LHX8: variants seen among roughly 807,000 people sequenced by gnomAD.
LHX8 encodes the protein LIM homeobox 8.
Under a neutral mutation model 40.3 loss-of-function variants are expected in LHX8, and 12 were observed. That is an observed-to-expected ratio of 0.30 (90% CI 0.19 to 0.48). The LOEUF (loss-of-function observed/expected upper bound fraction) is 0.48, where lower values mean the gene tolerates loss of function less well. LHX8 is among the 20% of genes least tolerant of loss of function. LHX8 has a pLI of 0.99. For missense variants in LHX8, 344 were observed against 433.7 expected, an observed-to-expected ratio of 0.79 and a Z score of 1.84; for synonymous variants, 179 against 162.0, an observed-to-expected ratio of 1.10 and a Z score of -0.80.
At chr1:75,178,181 C>T in the LHX8 span, among the ~76,000 whole-genome samples, 141 of 151,890 alleles carry the variant, frequency 9.3e-4, no homozygotes, top group African/African-American at 2.4e-3. Context: ...AGTATTATAC[C>T]GGCTTCATAA....
intron 6 of LHX8, 54 bp from the exon 7 acceptor site, chr1:75,148,533 A>G: frequency 8.3e-7 from 1 of 1,206,326 alleles, no homozygotes; most frequent in Non-Finnish European, 1.2e-6. Context: ...ATGCAGGAAG[A>G]AGACTGAGCT....
At chr1:75,195,919 C>A in the LHX8 span, among the ~76,000 whole-genome samples, 4 of 152,116 alleles carry the variant, frequency 2.6e-5, no homozygotes, top group South Asian at 8.3e-4. Flanking sequence ...TCTCTCACCT[C>A]ATTTACTTAT....
the LHX8 span, among the ~76,000 whole-genome samples, chr1:75,196,880 C>T: frequency 6.6e-6 from 1 of 152,098 alleles, no homozygotes; most frequent in Non-Finnish European, 1.5e-5. Context: ...GCAATCAAAG[C>T]ACATCAAGGG....
intron 6 of LHX8, among the ~76,000 whole-genome samples, chr1:75,145,619 C>T (rs1648440095): frequency 2.0e-5 from 3 of 152,204 alleles, no homozygotes; most frequent in Admixed American, 1.3e-4. Context: ...CAAAGCAAAC[C>T]ACCAAGGGAG....
chr1:75,167,657 C>G, the LHX8 span, among the ~76,000 whole-genome samples: 57 of 152,158 alleles, frequency 3.7e-4, no homozygotes, highest in African/African-American at 1.3e-3. Context: ...TTATAATTTT[C>G]CTTCCTCAGT....
intron 7 of LHX8, among the ~76,000 whole-genome samples, chr1:75,154,098 T>C (rs1000506609): frequency 1.3e-5 from 2 of 152,232 alleles, no homozygotes; most frequent in African/African-American, 4.8e-5. Flanking sequence ...CAGAAAATGT[T>C]AACTCTTGTT....
At chr1:75,174,722 G>A in the LHX8 span, among the ~76,000 whole-genome samples, 1 of 152,088 alleles carries the variant, frequency 6.6e-6, no homozygotes, top group Non-Finnish European at 1.5e-5. Flanking sequence ...TATTATACAA[G>A]GTAGAACATG....
the LHX8 span, among the ~76,000 whole-genome samples, chr1:75,185,241 C>A: frequency 6.6e-6 from 1 of 151,920 alleles, no homozygotes; most frequent in African/African-American, 2.4e-5. Context: ...GGGACTCCTC[C>A]TCATCTCATA....
upstream of LHX8, chr1:75,130,609 C>A (rs1647936013): frequency 9.7e-7 from 1 of 1,034,230 alleles, no homozygotes; most frequent in Admixed American, 1.7e-5. Context: ...ATAAAAGCAC[C>A]CCTCTCTTAC....
At chr1:75,192,922 G>A in the LHX8 span, among the ~76,000 whole-genome samples, 1 of 152,264 alleles carries the variant, frequency 6.6e-6, no homozygotes, top group South Asian at 2.1e-4. Flanking sequence ...TTGAACTCCT[G>A]ACCTCAGGTG....
intron 8 of LHX8, 42 bp from the exon 9 acceptor site, chr1:75,160,777 C>A: frequency 7.8e-7 from 1 of 1,283,998 alleles, no homozygotes; most frequent in Non-Finnish European, 1.1e-6. Context: ...CAGTTTTATG[C>A]ACCCTACAAA....
chr1:75,179,586 G>A, the LHX8 span, among the ~76,000 whole-genome samples: 1 of 142,030 alleles, frequency 7.0e-6, no homozygotes, highest in African/African-American at 2.6e-5. Context: ...GTGTGTCTCT[G>A]CACATGAGAT....
At chr1:75,163,856 G>A (rs1029876481), downstream of LHX8, among the ~76,000 whole-genome samples, 2 of 152,160 alleles carry the variant, frequency 1.3e-5, no homozygotes, top group South Asian at 2.1e-4. Context: ...CCTTGCAAAT[G>A]GGATTAGTGC....
upstream of LHX8, chr1:75,131,009 T>G: frequency 4.1e-6 from 2 of 492,936 alleles, no homozygotes; most frequent in African/African-American, 1.9e-5. Context: ...TGGCCCACTG[T>G]ACCCTTGGCG....
chr1:75,155,976 CCTAAGA>C (rs1282751523), intron 7 of LHX8, among the ~76,000 whole-genome samples: 1 of 150,766 alleles, frequency 6.6e-6, no homozygotes, highest in African/African-American at 2.4e-5. Context: ...CCAGCAGGTG[CCTAAGA>C]ATACATTTAG....
the LHX8 span, among the ~76,000 whole-genome samples, chr1:75,189,790 T>G: frequency 6.6e-6 from 1 of 152,210 alleles, no homozygotes; most frequent in African/African-American, 2.4e-5. Context: ...CATTGTGTTC[T>G]CCCTCATCAT....
At chr1:75,196,840 A>G in the LHX8 span, among the ~76,000 whole-genome samples, 51 of 152,152 alleles carry the variant, frequency 3.4e-4, no homozygotes, top group African/African-American at 1.2e-3. Context: ...GCACATGTAC[A>G]GGCACACGCT....
chr1:75,174,663 T>C, the LHX8 span, among the ~76,000 whole-genome samples: 2 of 152,140 alleles, frequency 1.3e-5, no homozygotes, highest in Admixed American at 6.5e-5. Flanking sequence ...TGTTTCAGAA[T>C]AAATGACATT....
chr1:75,165,907 T>G (rs1262895924), downstream of LHX8, among the ~76,000 whole-genome samples: 1 of 152,226 alleles, frequency 6.6e-6, no homozygotes, highest in Non-Finnish European at 1.5e-5. Context: ...TTTGACACTT[T>G]CTCTGACACC....
Sources: gnomAD v4.1 joint callset for allele counts (sites outside exome capture counted in the v4.1 genomes callset) on GRCh38, gnomAD v4.1.1 for gene constraint, MANE v1.5 for transcripts, NCBI Gene and HGNC (gene_info 2026-07-23, HGNC 2026-07-21) for gene names.